The following CERK variants were observed in gnomAD, a reference collection of about 807,000 sequenced individuals.
CERK encodes acylsphingosine kinase.
CERK carries 39 observed loss-of-function variants against 63.4 expected under a neutral mutation model. That is an observed-to-expected ratio of 0.61 (90% CI 0.48 to 0.80). The LOEUF (loss-of-function observed/expected upper bound fraction) is 0.80. Ranked by LOEUF, CERK falls within the 30% of genes least tolerant of loss-of-function variation. The probability of loss-of-function intolerance (pLI) is 0.00; values close to 1 mark genes in which losing one functional copy is unlikely to be tolerated. For missense variants in CERK, 670 were observed against 714.1 expected (o/e 0.94, Z 0.70); for synonymous variants, 302 against 280.0 (o/e 1.08, Z -0.78).
chr22:46,696,632 C>T (rs2082757887), intron 8 of CERK, among the ~76,000 whole-genome samples: 1 of 152,266 alleles, frequency 6.6e-6, no homozygotes, highest in African/African-American at 2.4e-5. Context: ...GCTCATTCTC[C>T]TTCCATGCCC....
chr22:46,703,306 T>A (rs542753699), intron 6 of CERK, among the ~76,000 whole-genome samples: 19 of 152,068 alleles, frequency 1.2e-4, no homozygotes, highest in Non-Finnish European at 2.2e-4. Context: ...GGGAGGCAGC[T>A]CAACACCCTC....
At chr22:46,713,566 A>C (rs773115987) in intron 3 of CERK, among the ~76,000 whole-genome samples, 9 of 151,732 alleles carry the variant, frequency 5.9e-5, no homozygotes, top group Admixed American at 4.6e-4. Flanking sequence ...AATGTTCATC[A>C]CAGCATTCTT....
chr22:46,737,154 G>T (rs1433498278), intron 1 of CERK, among the ~76,000 whole-genome samples: 2 of 152,068 alleles, frequency 1.3e-5, no homozygotes, highest in Non-Finnish European at 2.9e-5. Context: ...TTAGCCGGGC[G>T]TAGTAGCGGG....
chr22:46,701,680 A>G lies in CERK; in HGVS notation c.746T>C (p.Val249Ala). ...GSTDCVCYST[V>A]GTSDAETSAL... ...CGAGGTTTCTGCGTCGCTGGTGCCC[A>G]CGGTGGAGTAACACACGCAGTCCGT... is the stretch of plus-strand genomic sequence containing the variant. Residue 249 changes from valine to alanine, a missense_variant, in exon 7 of 13, where the codon GTG becomes GCG. Coordinates refer to ENST00000216264, the MANE Select transcript of CERK (RefSeq NM_022766.6). 6.4e-7 allele frequency: 1 copy of G among 1,558,946 alleles called. No homozygotes were observed. The highest frequency in any genetic ancestry group is 8.7e-7 in the Non-Finnish European group (1 of 1,151,152).
intron 12 of CERK, 31 bp downstream of exon 12, chr22:46,689,961 G>C: frequency 6.5e-7 from 1 of 1,547,750 alleles, no homozygotes; most frequent in Non-Finnish European, 8.7e-7. Flanking sequence ...CAAGGGGATG[G>C]CGCTGGTGGC....
rs184089124 is a variant in CERK at position 46,699,831 on chromosome 22, G to A, written c.791-366C>T. Among the ~76,000 whole-genome samples, 40 of 152,396 alleles carry A rather than the reference G, an allele frequency of 2.6e-4. No homozygotes were observed. In the East Asian group the frequency reaches 7.1e-3, roughly 27 times the overall value. ...AAGCCGAGTGCAGTGGTTCACGCCT[G>A]TAATCCCAGCACGTGGGGAGGCCGA... On this transcript the variant is annotated intron_variant, in intron 7 of 12. Coordinates refer to ENST00000216264, the MANE Select transcript of CERK (RefSeq NM_022766.6).
At chr22:46,704,596 GT>G (rs2082803987) in intron 6 of CERK, among the ~76,000 whole-genome samples, 1 of 152,156 alleles carries the variant, frequency 6.6e-6, no homozygotes, top group African/African-American at 2.4e-5. Context: ...GGAGGCCGAG[GT>G]GGGCAGATCA....
Position 46,720,081 on chromosome 22 carries a change from C to T in CERK, c.379+5G>A, listed in dbSNP as rs375017036. The T allele has an allele frequency of 1.3e-5, 21 of 1,612,934 alleles. No homozygotes were observed. In the Admixed American group the frequency reaches 2.8e-4, roughly 22 times the overall value. On this transcript the variant is annotated splice_donor_5th_base_variant and intron_variant, in intron 3 of 12. Coordinates refer to ENST00000216264, the MANE Select transcript of CERK (RefSeq NM_022766.6). ...TCCTGTCTCTCAGTCCAAACACACA[C>T]GTACTCAGCTTCTCCAGCATCTCCC...
At chr22:46,702,644 G>A (rs2082793011) in intron 6 of CERK, among the ~76,000 whole-genome samples, 1 of 152,236 alleles carries the variant, frequency 6.6e-6, no homozygotes, top group African/African-American at 2.4e-5. Flanking sequence ...GCCATTACTT[G>A]AGATCTTAAT....
At chr22:46,717,832 G>C (rs2082873474) in intron 3 of CERK, among the ~76,000 whole-genome samples, 1 of 152,220 alleles carries the variant, frequency 6.6e-6, no homozygotes. Flanking sequence ...TGTAATCCCA[G>C]CACTTTGGGA....
intron 1 of CERK, among the ~76,000 whole-genome samples, chr22:46,737,225 G>A (rs1347074909): frequency 1.3e-5 from 2 of 151,624 alleles, no homozygotes; most frequent in Non-Finnish European, 2.9e-5. Context: ...CCCAGGAGGC[G>A]GAGGTGCAGT....
intron 1 of CERK, among the ~76,000 whole-genome samples, chr22:46,736,325 G>T (rs116401865): frequency 0.012 from 1,863 of 152,374 alleles, 43 homozygotes; most frequent in African/African-American, 0.043. Flanking sequence ...TGCCCTGTAA[G>T]GGTCTGGCGT....
chr22:46,708,896 G>T (rs2082826891), intron 5 of CERK, among the ~76,000 whole-genome samples: 1 of 152,174 alleles, frequency 6.6e-6, no homozygotes, highest in Non-Finnish European at 1.5e-5. Flanking sequence ...AGGGGGTGCA[G>T]CCTGAGGGGC....
chr22:46,737,955 G>A (rs1211001069), intron 1 of CERK, 52 bp downstream of exon 1: 4 of 1,103,904 alleles, frequency 3.6e-6, no homozygotes, highest in Admixed American at 1.0e-4. Flanking sequence ...CCCCCAAGCC[G>A]CCCCCGCTCC....
chr22:46,707,098 C>G (rs186204409), intron 6 of CERK, among the ~76,000 whole-genome samples: 2 of 152,256 alleles, frequency 1.3e-5, no homozygotes, highest in Admixed American at 1.3e-4. Context: ...CCCAGTCCTC[C>G]TGTCTTCATC....
intron 7 of CERK, among the ~76,000 whole-genome samples, chr22:46,701,147 G>T (rs2082781646): frequency 6.6e-6 from 1 of 152,264 alleles, no homozygotes; most frequent in African/African-American, 2.4e-5. Flanking sequence ...AGCCCACCGT[G>T]CTGAGTGCCA....
chr22:46,699,039 C>T (rs1458413521), intron 8 of CERK, among the ~76,000 whole-genome samples: 2 of 152,134 alleles, frequency 1.3e-5, no homozygotes, highest in Non-Finnish European at 1.5e-5. Context: ...GGTTCCAGCA[C>T]CTGGGGTTCT....
chr22:46,704,140 G>T (rs916281304), intron 6 of CERK, among the ~76,000 whole-genome samples: 3 of 152,234 alleles, frequency 2.0e-5, no homozygotes, highest in Non-Finnish European at 4.4e-5. Context: ...CACAGCCAAG[G>T]CCTAGAGGAG....
chr22:46,709,728 T>C (rs1161969327), intron 5 of CERK, among the ~76,000 whole-genome samples: 3 of 152,114 alleles, frequency 2.0e-5, no homozygotes, highest in Non-Finnish European at 4.4e-5. Context: ...GGCAATTAAC[T>C]ACAGGGGAAT....
Sources: gnomAD v4.1 joint callset for allele counts (sites outside exome capture counted in the v4.1 genomes callset) on GRCh38, gnomAD v4.1.1 for gene constraint, MANE v1.5 for transcripts, NCBI Gene and HGNC (gene_info 2026-07-23, HGNC 2026-07-21) for gene names.